Variants in TSHZ2 observed in about 807,000 individuals in gnomAD.
TSHZ2 encodes the protein teashirt homolog 2.
Under a neutral mutation model 74.4 loss-of-function variants are expected in TSHZ2, and 21 were observed. That is an observed-to-expected ratio of 0.28 (90% CI 0.20 to 0.41). The LOEUF is 0.41. Among genes scored for constraint, TSHZ2 ranks in the 10% least tolerant of loss-of-function variants. TSHZ2 has a pLI of 1.00. For missense variants in TSHZ2, 1,244 were observed against 1,293.5 expected (o/e 0.96, Z 0.59); for synonymous variants, 540 against 515.3 (o/e 1.05, Z -0.65).
At chr20:53,368,415 T>G (rs1384634677) in intron 2 of TSHZ2, among the ~76,000 whole-genome samples, 2 of 152,108 alleles carry the variant, frequency 1.3e-5, no homozygotes, top group African/African-American at 4.8e-5. Flanking sequence ...ACTCAAGCGA[T>G]TCTCCTGCCT....
At position 53,030,502 on chromosome 20, in the gene TSHZ2, T is replaced by C. The variant is rs1216041124; in HGVS notation, c.40+57169T>C. 3.3e-5 allele frequency among the ~76,000 whole-genome samples: 5 copies of C among 152,256 alleles called. No individual in the cohort carries two copies. In the East Asian group the frequency reaches 7.7e-4, roughly 23 times the overall value. ...CAACAGAAGGTTTTAGGTTGCTGTA[T>C]GGAGTCTCTCTGGTCTCTGGGTCAA... On this transcript the variant is annotated intron_variant, in intron 1 of 2. Coordinates refer to ENST00000371497, the MANE Select transcript of TSHZ2 (RefSeq NM_173485.6).
rs1441345549 is a variant in TSHZ2, at chr20:53,270,993, T to C, written c.*8+14422T>C. On this transcript the variant is annotated intron_variant, in intron 2 of 2. Coordinates refer to ENST00000371497, the MANE Select transcript of TSHZ2 (RefSeq NM_173485.6). ...TAGACTCTCCCGTGAGCAGTAACCA[T>C]GGAGATGGGTCCCTATTGGATAGTC... Among the ~76,000 whole-genome samples the C allele has an allele frequency of 5.9e-5, 9 of 152,242 alleles. No individual in the cohort carries two copies. In the East Asian group the frequency reaches 1.5e-3, roughly 26 times the overall value.
At chr20:52,999,919 A>G (rs750260635) in intron 1 of TSHZ2, among the ~76,000 whole-genome samples, 2 of 152,236 alleles carry the variant, frequency 1.3e-5, no homozygotes, top group Non-Finnish European at 2.9e-5. Context: ...GTGGTTAACC[A>G]ACCCCACTAA....
intron 2 of TSHZ2, among the ~76,000 whole-genome samples, chr20:53,463,384 A>G (rs577803556): frequency 9.8e-5 from 4 of 40,856 alleles, no homozygotes; most frequent in Admixed American, 2.1e-4. Context: ...GAGAGAGAGG[A>G]AGGAAGGAAG....
rs1371207561 is a variant in TSHZ2, at chr20:53,458,315, C to A, written c.*9-28829C>A. Among the ~76,000 whole-genome samples the A allele has an allele frequency of 3.3e-5, 5 of 151,578 alleles. No homozygotes were observed. The South Asian group carries it at 8.5e-4, about 26-fold the overall frequency. ...GAGTGTATGTGTCGAGGAATTTATC[C>A]ATTTCTTCTAGATTTTCTAGTTTAT... On this transcript the variant is annotated intron_variant, in intron 2 of 2. Transcript: ENST00000371497.
At chr20:53,444,436 G>GA (rs1329543000) in intron 2 of TSHZ2, among the ~76,000 whole-genome samples, 1 of 152,136 alleles carries the variant, frequency 6.6e-6, no homozygotes, top group Non-Finnish European at 1.5e-5. Flanking sequence ...GAACAGGCAA[G>GA]AAAAGGAGAG....
intron 1 of TSHZ2, among the ~76,000 whole-genome samples, chr20:53,173,646 T>C (rs1314993398): frequency 6.6e-6 from 1 of 151,928 alleles, no homozygotes; most frequent in Non-Finnish European, 1.5e-5. Context: ...AGCAGATCCA[T>C]ATGGATCAAG....
chr20:53,119,664 A>G (rs1986759903), intron 1 of TSHZ2, among the ~76,000 whole-genome samples: 1 of 152,272 alleles, frequency 6.6e-6, no homozygotes, highest in Non-Finnish European at 1.5e-5. Flanking sequence ...TATCAATTAT[A>G]TGTTAAAATG....
intron 1 of TSHZ2, among the ~76,000 whole-genome samples, chr20:53,232,680 C>T (rs939869012): frequency 6.6e-6 from 1 of 152,122 alleles, no homozygotes; most frequent in African/African-American, 2.4e-5. Flanking sequence ...CAATTAGTTA[C>T]TATGGCACCA....
At chr20:52,983,253 A>C (rs1422528165) in intron 1 of TSHZ2, among the ~76,000 whole-genome samples, 1 of 152,152 alleles carries the variant, frequency 6.6e-6, no homozygotes, top group Non-Finnish European at 1.5e-5. Context: ...GGGGATAAGA[A>C]TTTTGCTCAC....
chr20:53,250,948 T>C (rs1040113405), intron 1 of TSHZ2, among the ~76,000 whole-genome samples: 4 of 151,182 alleles, frequency 2.6e-5, no homozygotes, highest in Non-Finnish European at 5.9e-5. Context: ...GGTGCACGCA[T>C]TAGAGTGCAT....
intron 2 of TSHZ2, among the ~76,000 whole-genome samples, chr20:53,350,032 C>A (rs1980589290): frequency 6.6e-6 from 1 of 152,194 alleles, no homozygotes; most frequent in African/African-American, 2.4e-5. Context: ...CTTCTGCCAT[C>A]ATATCCTACT....
At chr20:53,090,010 G>A (rs986376409) in intron 1 of TSHZ2, among the ~76,000 whole-genome samples, 4 of 152,254 alleles carry the variant, frequency 2.6e-5, no homozygotes, top group African/African-American at 7.2e-5. Context: ...AACCTCAAAA[G>A]TAGGGAAGCT....
intron 1 of TSHZ2, among the ~76,000 whole-genome samples, chr20:53,024,840 G>T (rs1983379032): frequency 6.6e-6 from 1 of 152,086 alleles, no homozygotes; most frequent in South Asian, 2.1e-4. Flanking sequence ...CCTTTTGTAT[G>T]GTTGCATAGT....
At chr20:53,365,193 C>T (rs536036267) in intron 2 of TSHZ2, among the ~76,000 whole-genome samples, 1 of 152,314 alleles carries the variant, frequency 6.6e-6, no homozygotes, top group African/African-American at 2.4e-5. Context: ...ATGAAGGAAA[C>T]TTTTGTCATG....
At chr20:53,411,627 G>C (rs1299862571) in intron 2 of TSHZ2, among the ~76,000 whole-genome samples, 1 of 152,132 alleles carries the variant, frequency 6.6e-6, no homozygotes, top group African/African-American at 2.4e-5. Context: ...CCAGGAGTTT[G>C]AGACCAACCT....
At chr20:53,226,857 C>T (rs1989698148) in intron 1 of TSHZ2, among the ~76,000 whole-genome samples, 1 of 152,050 alleles carries the variant, frequency 6.6e-6, no homozygotes, top group African/African-American at 2.4e-5. Flanking sequence ...AAAATCCCCC[C>T]GTTGAGATCT....
intron 1 of TSHZ2, among the ~76,000 whole-genome samples, chr20:53,120,543 A>T (rs1333039683): frequency 1.3e-5 from 2 of 152,214 alleles, no homozygotes; most frequent in Non-Finnish European, 2.9e-5. Flanking sequence ...AACACAAAAA[A>T]AGGTAACTAA....
chr20:53,460,312 T>C (rs1201376336), intron 2 of TSHZ2, among the ~76,000 whole-genome samples: 3 of 152,212 alleles, frequency 2.0e-5, no homozygotes, highest in Non-Finnish European at 4.4e-5. Context: ...CTTCCATCGC[T>C]GATACCCTTT....
Sources: gnomAD v4.1 joint callset for allele counts (sites outside exome capture counted in the v4.1 genomes callset) on GRCh38, gnomAD v4.1.1 for gene constraint, MANE v1.5 for transcripts, NCBI Gene and HGNC (gene_info 2026-07-23, HGNC 2026-07-21) for gene names.